The following CACNA1A variants were observed in gnomAD, a reference collection of about 807,000 sequenced individuals.
CACNA1A encodes voltage-dependent P/Q-type calcium channel subunit alpha-1A.
In CACNA1A, 57 loss-of-function variants were observed where a neutral mutation model predicts 262.4. The ratio of observed to expected loss-of-function variants is 0.22; its 90% confidence interval spans 0.18 to 0.27. CACNA1A has a LOEUF of 0.27. Ranked by LOEUF, CACNA1A falls within the 10% of genes least tolerant of loss-of-function variation. The probability of loss-of-function intolerance (pLI) is 1.00; values close to 1 mark genes in which losing one functional copy is unlikely to be tolerated. For missense variants in CACNA1A, 2,526 were observed against 3,562.8 expected (o/e 0.71, Z 7.41); for synonymous variants, 1,431 against 1,419.3 (o/e 1.01, Z -0.18).
At chr19:13,245,914 T>C (rs1266877468) in intron 30 of CACNA1A, among the ~76,000 whole-genome samples, 1 of 152,172 alleles carries the variant, frequency 6.6e-6, no homozygotes, top group Non-Finnish European at 1.5e-5. Flanking sequence ...TCAAGTGATC[T>C]GCTCACTTTG....
At chr19:13,211,957 T>C in intron 43 of CACNA1A, 146 bp downstream of exon 43, 1 of 612,224 alleles carries the variant, frequency 1.6e-6, no homozygotes, top group Admixed American at 2.8e-5. Context: ...GGGTGGGGCC[T>C]GCAGACTGCT....
intron 3 of CACNA1A, among the ~76,000 whole-genome samples, chr19:13,390,167 A>G (rs1301325567): frequency 6.6e-6 from 1 of 151,478 alleles, no homozygotes; most frequent in African/African-American, 2.4e-5. Flanking sequence ...CCCAGACTGG[A>G]GTGCAGCGGT....
intron 20 of CACNA1A, among the ~76,000 whole-genome samples, chr19:13,286,026 G>A (rs1005592488): frequency 7.2e-6 from 1 of 138,270 alleles, no homozygotes; most frequent in Admixed American, 8.1e-5. Context: ...GTGCCATCTT[G>A]GCTCACTCTA....
At chr19:13,391,684 T>G (rs915655176) in intron 3 of CACNA1A, among the ~76,000 whole-genome samples, 1 of 151,280 alleles carries the variant, frequency 6.6e-6, no homozygotes, top group Non-Finnish European at 1.5e-5. Context: ...ATTGCTTGAG[T>G]CCAGGAGTTC....
intron 1 of CACNA1A, among the ~76,000 whole-genome samples, chr19:13,458,184 C>T (rs957862689): frequency 9.9e-5 from 15 of 152,168 alleles, no homozygotes; most frequent in African/African-American, 3.4e-4. Flanking sequence ...TAAAGAAACA[C>T]AATTTTGCTC....
chr19:13,493,441 A>G (rs1406387242), intron 1 of CACNA1A, among the ~76,000 whole-genome samples: 28 of 152,174 alleles, frequency 1.8e-4, no homozygotes, highest in Non-Finnish European at 1.5e-5. Context: ...CCCTCCCCCT[A>G]CATTCGTGAC....
intron 24 of CACNA1A, chr19:13,274,402 G>C (rs1363322910): frequency 6.6e-6 from 1 of 152,136 alleles, no homozygotes; most frequent in African/African-American, 2.4e-5. Context: ...GACCATTCAA[G>C]GGCCCCTCCA....
intron 3 of CACNA1A, among the ~76,000 whole-genome samples, chr19:13,402,871 C>CATAT (rs1483072251): frequency 2.2e-4 from 14 of 64,180 alleles, no homozygotes; most frequent in South Asian, 1.1e-3. Context: ...CACACACACA[C>CATAT]ACATATATAT....
chr19:13,234,679 C>A (rs1027816967), intron 34 of CACNA1A: 3 of 510,736 alleles, frequency 5.9e-6, no homozygotes, highest in Non-Finnish European at 1.1e-5. Context: ...CACCCCCACA[C>A]CAGAAAAGGA....
At chr19:13,239,925 T>C (rs1017809096) in intron 31 of CACNA1A, among the ~76,000 whole-genome samples, 1 of 151,164 alleles carries the variant, frequency 6.6e-6, no homozygotes, top group Non-Finnish European at 1.5e-5. Context: ...CTGAGGCGGG[T>C]GCATCACTTG....
intron 3 of CACNA1A, among the ~76,000 whole-genome samples, chr19:13,387,117 A>G (rs2059628917): frequency 6.6e-6 from 1 of 151,864 alleles, no homozygotes; most frequent in Non-Finnish European, 1.5e-5. Flanking sequence ...ACGCCTGGCT[A>G]ATTTTTGTAT....
intron 10 of CACNA1A, among the ~76,000 whole-genome samples, chr19:13,327,018 A>G (rs1361539218): frequency 6.6e-6 from 1 of 151,634 alleles, no homozygotes; most frequent in Non-Finnish European, 1.5e-5. Flanking sequence ...CCTCACGAGT[A>G]GCTGGGACTA....
Position 13,322,164 on chromosome 19 carries a change from T to G in CACNA1A, c.1346-4843A>C, listed in dbSNP as rs369587077. Reference sequence around the variant, plus strand: ...TTGTAGTGAGCTGTGATCGTGCCATTGCACTCCAGCCTGGGTGATGGAGTG... The same window carrying G: ...TTGTAGTGAGCTGTGATCGTGCCATGGCACTCCAGCCTGGGTGATGGAGTG... On this transcript the variant is annotated intron_variant, in intron 10 of 46. Transcript: ENST00000360228. 5.4e-3 allele frequency among the ~76,000 whole-genome samples: 778 copies of G among 144,716 alleles called. 4 individuals carry two copies. Among genetic ancestry groups the G allele is most frequent in the Non-Finnish European group, 8.4e-3 (566 of 67,164 alleles). The allele number at this position is 144,716 out of a possible 152,430, so 94.9% of individuals were successfully genotyped here.
At chr19:13,335,518 G>C (rs1340867509) in intron 7 of CACNA1A, among the ~76,000 whole-genome samples, 2 of 152,160 alleles carry the variant, frequency 1.3e-5, no homozygotes, top group African/African-American at 4.8e-5. Context: ...TAGAGCATAT[G>C]CTATGATTTT....
chr19:13,439,828 C>G (rs1366116045), intron 3 of CACNA1A, among the ~76,000 whole-genome samples: 1 of 152,178 alleles, frequency 6.6e-6, no homozygotes, highest in Non-Finnish European at 1.5e-5. Flanking sequence ...GGGAAATCAG[C>G]AGGAACAATG....
chr19:13,468,919 AT>A (rs975058236), intron 1 of CACNA1A, among the ~76,000 whole-genome samples: 2 of 152,334 alleles, frequency 1.3e-5, no homozygotes, highest in African/African-American at 4.8e-5. Flanking sequence ...GCTCTGGAAT[AT>A]GTCCACCATC....
chr19:13,357,177 A>G (rs1463835181), intron 6 of CACNA1A, among the ~76,000 whole-genome samples: 1 of 152,132 alleles, frequency 6.6e-6, no homozygotes, highest in Non-Finnish European at 1.5e-5. Context: ...CCCTCCACCC[A>G]CAAGTGGGGA....
In CACNA1A at chr19:13,228,437, A is replaced by G. The variant is rs373365382; in HGVS notation, c.5529-910T>C. ...TTTGGGGTGCCGTGGAGACCCCAGG[A>G]TGGGCAGCTTCAGCTAAGAGCAAGC... On this transcript the variant is annotated intron_variant, in intron 36 of 46. Coordinates refer to ENST00000360228, the MANE Select transcript of CACNA1A (RefSeq NM_001127222.2). Among the ~76,000 whole-genome samples, 80 of 151,982 alleles carry G rather than the reference A, an allele frequency of 5.3e-4. 2 individuals carry two copies. The East Asian group carries it at 0.011, about 21-fold the overall frequency.
At chr19:13,249,618 G>C (rs1368110757) in intron 30 of CACNA1A, among the ~76,000 whole-genome samples, 1 of 152,102 alleles carries the variant, frequency 6.6e-6, no homozygotes, top group Non-Finnish European at 1.5e-5. Context: ...GCCTCCCAAA[G>C]TGCTGCGATT....
Sources: allele counts gnomAD v4.1 joint callset (sites outside exome capture counted in the v4.1 genomes callset), GRCh38; gene constraint gnomAD v4.1.1; transcripts MANE v1.5; gene names NCBI Gene and HGNC (gene_info 2026-07-23, HGNC 2026-07-21).